Variants in AGBL2 observed in about 807,000 individuals in gnomAD.
AGBL2 encodes cytosolic carboxypeptidase 2.
In AGBL2, 87 loss-of-function variants were observed where a neutral mutation model predicts 103.0. That is an observed-to-expected ratio of 0.84 (90% CI 0.71 to 1.01). AGBL2 has a LOEUF of 1.01. Ranked by LOEUF, AGBL2 falls within the 50% of genes least tolerant of loss-of-function variation. The pLI, the probability that AGBL2 is intolerant of heterozygous loss-of-function variation, is 0.00. For missense variants in AGBL2, 904 were observed against 1,023.5 expected, an observed-to-expected ratio of 0.88 and a Z score of 1.59; for synonymous variants, 335 against 356.7, an observed-to-expected ratio of 0.94 and a Z score of 0.69.
intron 1 of AGBL2, 111 bp from the exon 2 acceptor site, chr11:47,714,861 A>G (rs2097545556): frequency 1.7e-6 from 1 of 587,170 alleles, no homozygotes; most frequent in Non-Finnish European, 3.0e-6. Flanking sequence ...CCTCAGCTAA[A>G]CAAGGTGGTC....
In AGBL2 at chr11:47,663,080, G is replaced by T; in HGVS notation, c.2481C>A (p.Pro827=). The stretch of plus-strand genomic sequence containing the variant: ...TCAGGGTGGCCATTGATGGGTCCAG[G>T]GGGGTGTCTTTGTCTCTTCTATTTA... ...TNLNRRDKDT[P]LDPSMATLIL... The change falls in exon 18 of 19, where the codon CCC becomes CCA. Residue 827 remains proline (P), a synonymous_variant. Coordinates refer to ENST00000525123, the MANE Select transcript of AGBL2 (RefSeq NM_024783.4). The T allele has an allele frequency of 1.3e-6, 2 of 1,597,454 alleles. No homozygotes were observed. The highest frequency in any genetic ancestry group is 2.3e-5 in the South Asian group (2 of 87,086).
intron 11 of AGBL2, among the ~76,000 whole-genome samples, chr11:47,682,903 C>T (rs1338794582): frequency 6.6e-6 from 1 of 151,756 alleles, no homozygotes; most frequent in African/African-American, 2.4e-5. Context: ...GACAGAGTTC[C>T]CTGCTTCAAT....
At chr11:47,667,789 G>T in intron 15 of AGBL2, 93 bp from the exon 16 acceptor site, 2 of 1,388,708 alleles carry the variant, frequency 1.4e-6, no homozygotes, top group Non-Finnish European at 2.0e-6. Context: ...AAGACACAAA[G>T]GCTAACTCGG....
At position 47,710,419 on chromosome 11, in the gene AGBL2, CT is replaced by C. The variant is rs535614031; in HGVS notation, c.189del (p.Asp64MetfsTer3). 1.5e-4 allele frequency: 236 copies of C among 1,614,168 alleles called. 1 individual carries two copies. In the African/African-American group the frequency reaches 3.0e-3, roughly 20 times the overall value. ...TGCAGGGTGTCTGGTATCAAATCAT[CT>C]TTTTCCCCAAGAGAGCCATTCAACA... ...QCLLNGSLGE[K>X]DDLIPDTLQK... On this transcript the variant is annotated frameshift_variant, in exon 4 of 19. Transcript: ENST00000525123. LOFTEE classifies it high-confidence loss of function.
chr11:47,675,501 G>T (rs1288992087), intron 14 of AGBL2, among the ~76,000 whole-genome samples: 1 of 136,034 alleles, frequency 7.4e-6, no homozygotes, highest in Non-Finnish European at 1.5e-5. Context: ...CCTCCCTCCC[G>T]CCTCAGCCTC....
intron 11 of AGBL2, among the ~76,000 whole-genome samples, chr11:47,683,060 A>AAAGAG (rs890782325): frequency 2.0e-5 from 3 of 152,104 alleles, no homozygotes; most frequent in East Asian, 1.9e-4. Context: ...AGAAAAGAAA[A>AAAGAG]AAGAGAAGAG....
At chr11:47,693,700 C>T (rs2097456643) in intron 8 of AGBL2, among the ~76,000 whole-genome samples, 1 of 152,136 alleles carries the variant, frequency 6.6e-6, no homozygotes, top group Non-Finnish European at 1.5e-5. Context: ...ATTCAGGGCC[C>T]TTTACAATTC....
Position 47,659,618 on chromosome 11 carries a change from C to A in AGBL2, c.*555G>T, listed in dbSNP as rs1332746969. 1 of 151,994 alleles carries A rather than the reference C, an allele frequency of 6.6e-6. No homozygotes were observed. Among genetic ancestry groups the A allele is most frequent in the Non-Finnish European group, 1.5e-5 (1 of 68,000 alleles). 9.4% of individuals were successfully genotyped at this position (151,994 alleles called of 1,614,324 possible). ...AGAGAGAAAGAATTTTAATCATCAG[C>A]CTAAAAAAATTACAAAACCTCATTG... On this transcript the variant is annotated 3_prime_UTR_variant, in exon 19 of 19. Coordinates refer to ENST00000525123, the MANE Select transcript of AGBL2 (RefSeq NM_024783.4).
chr11:47,704,753 G>C (rs2097511582), intron 6 of AGBL2, 25 bp from the exon 7 acceptor site: 2 of 1,596,060 alleles, frequency 1.3e-6, no homozygotes, highest in Non-Finnish European at 1.7e-6. Context: ...GAGAGTAAGT[G>C]AACATCTTCC....
At chr11:47,671,005 A>AG (rs1554948166) in intron 14 of AGBL2, among the ~76,000 whole-genome samples, 2 of 151,942 alleles carry the variant, frequency 1.3e-5, no homozygotes. Flanking sequence ...AAAAAAAAAA[A>AG]GGTTTGGATG....
intron 9 of AGBL2, among the ~76,000 whole-genome samples, chr11:47,691,729 A>AAATATATATATAT: frequency 2.1e-4 from 1 of 4,850 alleles, no homozygotes; most frequent in African/African-American, 7.2e-4. Context: ...AAAAAAAAAA[A>AAATATATATATAT]ATATATATAT....
chr11:47,681,711 G>A (rs1407843004), intron 12 of AGBL2, among the ~76,000 whole-genome samples: 1 of 152,192 alleles, frequency 6.6e-6, no homozygotes, highest in African/African-American at 2.4e-5. Context: ...GCCCGCCTTG[G>A]CCTCCCAAAG....
Position 47,678,343 on chromosome 11 carries a change from A to ATTATTTTTTTTTTTTTTTTTTTT in AGBL2, c.2017-943_2017-942insAAAAAAAAAAAAAAAAAAAATAA, listed in dbSNP as rs2097385523. ...TTATTTTATTTTATTTTATTATTTT[A>ATTATTTTTTTTTTTTTTTTTTTT]TTTTTTTTGAGACGGAGTCTTGCTC... On this transcript the variant is annotated intron_variant, in intron 13 of 18. Transcript: ENST00000525123. 7.3e-4 allele frequency among the ~76,000 whole-genome samples: 85 copies of ATTATTTTTTTTTTTTTTTTTTTT among 116,760 alleles called. 3 individuals carry two copies. The highest frequency in any genetic ancestry group is 2.4e-3 in the East Asian group (8 of 3,392). 76.6% of individuals were successfully genotyped at this position (116,760 alleles called of 152,430 possible).
rs374027052 is a variant in AGBL2, at chr11:47,693,328, A to G, written c.695-1072T>C. On this transcript the variant is annotated intron_variant, in intron 8 of 18. Transcript: ENST00000525123. ...AGGCGTGCACCACCCTGCCCGGCTCATTTGTTTTAAGATTTTTATAGTTTC... is the reference window on the plus strand; with the variant it reads ...AGGCGTGCACCACCCTGCCCGGCTCGTTTGTTTTAAGATTTTTATAGTTTC... 4.7e-4 allele frequency among the ~76,000 whole-genome samples: 71 copies of G among 152,162 alleles called. No homozygotes were observed. In the East Asian group the frequency reaches 8.9e-3, roughly 19 times the overall value.
intron 17 of AGBL2, among the ~76,000 whole-genome samples, chr11:47,664,982 A>C (rs184993602): frequency 1.3e-3 from 189 of 151,062 alleles, no homozygotes; most frequent in African/African-American, 4.3e-3. Context: ...CTCGGGCTCA[A>C]GCAATCCTCC....
At position 47,660,218 on chromosome 11, in the gene AGBL2, A is replaced by G; in HGVS notation, c.2664T>C (p.Ala888=). Residue 888 remains alanine (A), a synonymous_variant, in exon 19 of 19, where the codon GCT becomes GCC. Transcript: ENST00000525123. ...SRYPATKRGC[A]AMAAYPSLHI... ...GCAAGGATGGGTATGCCGCCATGGC[A>G]GCACAGCCTCTCTTTGTGGCAGGAT... The G allele has an allele frequency of 6.2e-7, 1 of 1,614,222 alleles. No individual in the cohort carries two copies. Among genetic ancestry groups the G allele is most frequent in the Non-Finnish European group, 8.5e-7 (1 of 1,180,044 alleles).
At chr11:47,682,992 G>A (rs1275639015) in intron 11 of AGBL2, among the ~76,000 whole-genome samples, 1 of 148,906 alleles carries the variant, frequency 6.7e-6, no homozygotes, top group Non-Finnish European at 1.5e-5. Context: ...AAGAAGGAAA[G>A]AAAAGAAGGA....
chr11:47,685,612 G>A (rs1399271567), intron 11 of AGBL2, among the ~76,000 whole-genome samples: 1 of 151,936 alleles, frequency 6.6e-6, no homozygotes, highest in Non-Finnish European at 1.5e-5. Context: ...AATAGAGATG[G>A]GGTTTCTCCG....
At chr11:47,683,767 T>C (rs2097411781) in intron 11 of AGBL2, among the ~76,000 whole-genome samples, 2 of 147,210 alleles carry the variant, frequency 1.4e-5, no homozygotes. Context: ...TGAGACTCCA[T>C]CTCAAAAAAA....
Sources: gnomAD v4.1 joint callset for allele counts (sites outside exome capture counted in the v4.1 genomes callset) on GRCh38, gnomAD v4.1.1 for gene constraint, MANE v1.5 for transcripts, NCBI Gene and HGNC (gene_info 2026-07-23, HGNC 2026-07-21) for gene names.